The following ELF1 variants were observed in gnomAD, a reference collection of about 807,000 sequenced individuals.
ELF1 encodes ETS-related transcription factor Elf-1.
A neutral mutation model predicts 59.9 loss-of-function variants in ELF1; 24 were observed. That is an observed-to-expected ratio of 0.40 (90% CI 0.29 to 0.56). ELF1 has a LOEUF of 0.56. Among genes scored for constraint, ELF1 ranks in the 20% least tolerant of loss-of-function variants. ELF1 has a pLI of 0.44. For synonymous variants in ELF1, 248 were observed against 266.2 expected, an observed-to-expected ratio of 0.93 and a Z score of 0.67; for missense variants, 627 against 742.2, an observed-to-expected ratio of 0.84 and a Z score of 1.80.
intron 2 of ELF1, among the ~76,000 whole-genome samples, chr13:40,971,026 A>G (rs1008825863): frequency 1.3e-5 from 2 of 152,146 alleles, no homozygotes; most frequent in Non-Finnish European, 1.5e-5. Context: ...CATACTAGTC[A>G]CCCAGCCAGA....
At chr13:40,954,420 G>GCTCTCCCTCTCCGTCCTCTCC (rs1871065682) in intron 3 of ELF1, among the ~76,000 whole-genome samples, 1 of 148,258 alleles carries the variant, frequency 6.7e-6, no homozygotes, top group African/African-American at 2.5e-5. Context: ...AAAGTGTGTA[G>GCTCTCCCTCTCCGTCCTCTCC]CTCTCCCTCT....
chr13:40,975,095 C>T (rs1872821586), intron 2 of ELF1, among the ~76,000 whole-genome samples: 1 of 152,164 alleles, frequency 6.6e-6, no homozygotes, highest in East Asian at 1.9e-4. Context: ...GCAGATAGAA[C>T]CTGGAATTTT....
chr13:40,962,358 A>C (rs1871879903), intron 2 of ELF1, among the ~76,000 whole-genome samples: 1 of 152,150 alleles, frequency 6.6e-6, no homozygotes, highest in African/African-American at 2.4e-5. Flanking sequence ...TTTATTAAGA[A>C]TGAAAAGTAG....
At chr13:40,981,880 C>T in intron 2 of ELF1, 103 bp downstream of exon 2, 1 of 1,311,572 alleles carries the variant, frequency 7.6e-7, no homozygotes, top group Non-Finnish European at 1.0e-6. Flanking sequence ...TTTTTACTTT[C>T]AATAAAGTTT....
intron 7 of ELF1, among the ~76,000 whole-genome samples, chr13:40,941,906 T>TGA: frequency 6.6e-6 from 1 of 152,246 alleles, no homozygotes; most frequent in African/African-American, 2.4e-5. Flanking sequence ...CGATCCTTCC[T>TGA]TCTCAGGCTC....
chr13:41,010,231 C>G lies in ELF1; in HGVS notation c.-229+8997G>C, dbSNP rs112797522. ...GACCAGCCTGGACAACATAGCCAGACCGCATACCCACCAATAAAAAAATAA... is the reference window on the plus strand; with the variant it reads ...GACCAGCCTGGACAACATAGCCAGAGCGCATACCCACCAATAAAAAAATAA... On this transcript the variant is annotated intron_variant, in intron 1 of 8. Coordinates refer to ENST00000239882, the MANE Select transcript of ELF1 (RefSeq NM_172373.4). 1.7e-4 allele frequency among the ~76,000 whole-genome samples: 25 copies of G among 147,454 alleles called. 1 individual carries two copies. Among genetic ancestry groups the G allele is most frequent in the African/African-American group, 6.3e-4 (25 of 39,942 alleles).
intron 1 of ELF1, among the ~76,000 whole-genome samples, chr13:41,027,760 C>G (rs900681752): frequency 3.9e-5 from 6 of 152,200 alleles, no homozygotes; most frequent in African/African-American, 1.4e-4. Flanking sequence ...GAACTTATCT[C>G]AGTCACAAAA....
At chr13:41,003,354 A>C (rs922516412) in intron 1 of ELF1, among the ~76,000 whole-genome samples, 2 of 152,212 alleles carry the variant, frequency 1.3e-5, no homozygotes, top group African/African-American at 4.8e-5. Flanking sequence ...CTCCTTAAAA[A>C]TTAAATTCAT....
chr13:41,024,662 CA>C (rs1196976654), intron 1 of ELF1, among the ~76,000 whole-genome samples: 6 of 152,158 alleles, frequency 3.9e-5, no homozygotes, highest in Non-Finnish European at 5.9e-5. Context: ...CAGGCATGAA[CA>C]ACCACACATG....
At chr13:41,054,622 A>C (rs2138438759) in intron 1 of ELF1, among the ~76,000 whole-genome samples, 1 of 152,170 alleles carries the variant, frequency 6.6e-6, no homozygotes, top group South Asian at 2.1e-4. Context: ...TTTTTCCTTC[A>C]GTGTTATCTG....
chr13:40,984,824 C>T (rs563937913), intron 1 of ELF1, among the ~76,000 whole-genome samples: 21 of 152,180 alleles, frequency 1.4e-4, no homozygotes, highest in Non-Finnish European at 2.6e-4. Context: ...AGTGTGAATA[C>T]GTCTAGGTAA....
intron 8 of ELF1, among the ~76,000 whole-genome samples, chr13:40,938,300 T>C (rs1369515553): frequency 6.6e-6 from 1 of 152,222 alleles, no homozygotes; most frequent in African/African-American, 2.4e-5. Context: ...GGCTTCTTTT[T>C]GTAAATTTGT....
Position 40,943,923 on chromosome 13 carries a change from T to C in ELF1, c.532A>G (p.Arg178Gly), listed in dbSNP as rs1448795739. Residue 178 changes from arginine to glycine, a missense_variant and splice_region_variant, in exon 6 of 9, where the codon AGA (arginine) becomes GGA (glycine). Arg to Gly is a moderately radical substitution (Grantham distance 125). Transcript: ENST00000239882. ...TCTGGTCGTGGTGGTTTAGTTTTTC[T>C]TCCTGAAATAAAAACAGCTCTGCAT... is the stretch of plus-strand genomic sequence containing the variant. ...SPEQPKRKKG[R>G]KTKPPRPDSP... is the part of the protein sequence containing the mutation. 6.2e-7 allele frequency: 1 copy of C among 1,613,426 alleles called. No individual in the cohort carries two copies. Among genetic ancestry groups the C allele is most frequent in the Admixed American group, 1.7e-5 (1 of 59,940 alleles).
At chr13:41,059,651 C>T (rs1877423008) in intron 1 of ELF1, among the ~76,000 whole-genome samples, 1 of 152,186 alleles carries the variant, frequency 6.6e-6, no homozygotes, top group South Asian at 2.1e-4. Context: ...TTATAGCCGA[C>T]CCTATTTTCT....
At chr13:40,981,886 A>G in intron 2 of ELF1, 97 bp downstream of exon 2, 1 of 1,360,334 alleles carries the variant, frequency 7.4e-7, no homozygotes, top group Non-Finnish European at 9.8e-7. Context: ...CTTTCAATAA[A>G]GTTTCTCTCA....
chr13:40,940,613 A>C (rs1159665504), intron 8 of ELF1, among the ~76,000 whole-genome samples: 2 of 152,128 alleles, frequency 1.3e-5, no homozygotes, highest in African/African-American at 4.8e-5. Context: ...ACTTGGCCTG[A>C]ATAAAGATTT....
chr13:40,967,229 A>G (rs1281292690), intron 2 of ELF1, among the ~76,000 whole-genome samples: 1 of 152,164 alleles, frequency 6.6e-6, no homozygotes, highest in Non-Finnish European at 1.5e-5. Context: ...CTATTACAAC[A>G]CGATCTGACA....
intron 3 of ELF1, among the ~76,000 whole-genome samples, chr13:40,952,486 C>G (rs74410049): frequency 6.6e-6 from 1 of 151,794 alleles, no homozygotes; most frequent in African/African-American, 2.4e-5. Context: ...CTCAGCCTCC[C>G]GAGTAGACAG....
At chr13:41,044,098 G>C (rs1876739751) in intron 1 of ELF1, among the ~76,000 whole-genome samples, 1 of 152,138 alleles carries the variant, frequency 6.6e-6, no homozygotes, top group Non-Finnish European at 1.5e-5. Context: ...TTCTCTGTTT[G>C]TCTGTTATTG....
Sources: gnomAD v4.1 joint callset for allele counts (sites outside exome capture counted in the v4.1 genomes callset) on GRCh38, gnomAD v4.1.1 for gene constraint, MANE v1.5 for transcripts, NCBI Gene and HGNC (gene_info 2026-07-23, HGNC 2026-07-21) for gene names.